HSD17B12: variants seen among roughly 807,000 people sequenced by gnomAD.
HSD17B12 encodes the protein hydroxysteroid 17-beta dehydrogenase 12, also known as very-long-chain 3-oxoacyl-CoA reductase.
HSD17B12 carries 32 observed loss-of-function variants against 39.3 expected under a neutral mutation model. The ratio of observed to expected loss-of-function variants is 0.81; its 90% CI spans 0.61 to 1.09. HSD17B12 has a LOEUF of 1.09. Among genes scored for constraint, HSD17B12 ranks in the 50% least tolerant of loss-of-function variants. The pLI is 0.00. For synonymous variants in HSD17B12, 150 were observed against 146.7 expected (o/e 1.02, Z -0.16); for missense variants, 342 against 382.9 (o/e 0.89, Z 0.89).
At chr11:43,666,363 C>T in the HSD17B12 span, among the ~76,000 whole-genome samples, 1 of 152,096 alleles carries the variant, frequency 6.6e-6, no homozygotes, top group Non-Finnish European at 1.5e-5. Flanking sequence ...CACCACCCCG[C>T]CCAGGTAACT....
intron 6 of HSD17B12, among the ~76,000 whole-genome samples, chr11:43,824,620 C>T (rs770721835): frequency 1.3e-5 from 2 of 152,190 alleles, no homozygotes; most frequent in Non-Finnish European, 2.9e-5. Flanking sequence ...GGGTGGAACC[C>T]TCATGATGTA....
At chr11:43,845,268 G>C (rs949381415) in intron 9 of HSD17B12, among the ~76,000 whole-genome samples, 1 of 152,214 alleles carries the variant, frequency 6.6e-6, no homozygotes, top group African/African-American at 2.4e-5. Flanking sequence ...ACAGGCGTGA[G>C]CCACCACACC....
chr11:43,796,003 G>C (rs992579293), intron 3 of HSD17B12, among the ~76,000 whole-genome samples: 1 of 152,128 alleles, frequency 6.6e-6, no homozygotes, highest in Admixed American at 6.6e-5. Flanking sequence ...GACAAGGGAT[G>C]TGGAAGAGCA....
At chr11:43,783,351 C>T (rs1009333368) in intron 3 of HSD17B12, among the ~76,000 whole-genome samples, 1 of 150,618 alleles carries the variant, frequency 6.6e-6, no homozygotes, top group South Asian at 2.1e-4. Context: ...ACTTTTTAGT[C>T]TCAGAGCCCT....
At chr11:43,663,762 C>T in the HSD17B12 span, among the ~76,000 whole-genome samples, 2 of 152,214 alleles carry the variant, frequency 1.3e-5, no homozygotes. Flanking sequence ...TGTTTACGTA[C>T]AGGGTGCCAA....
chr11:43,594,723 G>T, the HSD17B12 span, among the ~76,000 whole-genome samples: 1 of 152,004 alleles, frequency 6.6e-6, no homozygotes, highest in Non-Finnish European at 1.5e-5. Flanking sequence ...TTACCCTGTG[G>T]AGTGCATTAG....
At chr11:43,721,958 G>A (rs1428556655) in intron 1 of HSD17B12, among the ~76,000 whole-genome samples, 1 of 152,158 alleles carries the variant, frequency 6.6e-6, no homozygotes, top group Non-Finnish European at 1.5e-5. Context: ...AGTCATCTAG[G>A]GGAGGTATAA....
At chr11:43,829,065 GTTA>G (rs1248936419) in intron 6 of HSD17B12, among the ~76,000 whole-genome samples, 1 of 152,122 alleles carries the variant, frequency 6.6e-6, no homozygotes, top group Non-Finnish European at 1.5e-5. Flanking sequence ...GCTTTTCATT[GTTA>G]TTATTTGACA....
At chr11:43,699,901 A>T (rs1249988742) in intron 1 of HSD17B12, among the ~76,000 whole-genome samples, 2 of 152,244 alleles carry the variant, frequency 1.3e-5, no homozygotes, top group Non-Finnish European at 2.9e-5. Context: ...AGAGAAATGC[A>T]AGTCAAAACC....
chr11:43,666,321 CA>C, the HSD17B12 span, among the ~76,000 whole-genome samples: 1 of 152,126 alleles, frequency 6.6e-6, no homozygotes, highest in African/African-American at 2.4e-5. Flanking sequence ...CTCCCAACCT[CA>C]GCTCCCCTAG....
chr11:43,804,060 A>G (rs1950996030), intron 4 of HSD17B12, among the ~76,000 whole-genome samples: 1 of 152,212 alleles, frequency 6.6e-6, no homozygotes, highest in East Asian at 1.9e-4. Flanking sequence ...GCTTTTAAGT[A>G]TGCCACAGAC....
intron 1 of HSD17B12, among the ~76,000 whole-genome samples, chr11:43,719,501 C>T (rs972581896): frequency 3.9e-5 from 6 of 151,922 alleles, no homozygotes; most frequent in African/African-American, 9.7e-5. Context: ...CCATTTCAGG[C>T]GAGTATGGGT....
intron 3 of HSD17B12, among the ~76,000 whole-genome samples, chr11:43,785,099 T>C (rs1469475678): frequency 6.6e-6 from 1 of 151,732 alleles, no homozygotes; most frequent in Non-Finnish European, 1.5e-5. Flanking sequence ...AAACAGGGTT[T>C]TTTTTTTTGC....
rs117973833 is a variant in HSD17B12 at position 43,814,705 on chromosome 11, T to C, written c.392-732T>C. Among the ~76,000 whole-genome samples the C allele has an allele frequency of 9.0e-3, 1,366 of 152,244 alleles. 13 individuals are homozygous for C. Among genetic ancestry groups the C allele is most frequent in the Middle Eastern group, 0.078 (23 of 294 alleles). ...TTGATAGATGGTTTATTGGAGACATTTAGTCTGACCCACTCCCTTGGCCAC... is the reference window on the plus strand; with the variant it reads ...TTGATAGATGGTTTATTGGAGACATCTAGTCTGACCCACTCCCTTGGCCAC... On this transcript the variant is annotated intron_variant, in intron 4 of 10. Transcript: ENST00000278353.
At chr11:43,680,447 C>T (rs2134731884), upstream of HSD17B12, 1 of 258,290 alleles carries the variant, frequency 3.9e-6, no homozygotes, top group Non-Finnish European at 7.7e-6. Context: ...AACCTGAGCT[C>T]AAACCAGCCT....
At chr11:43,844,149 A>G (rs1043604282) in intron 9 of HSD17B12, among the ~76,000 whole-genome samples, 6 of 152,138 alleles carry the variant, frequency 3.9e-5, no homozygotes, top group African/African-American at 1.2e-4. Context: ...AAAGAATGCT[A>G]TCTTTTTAGG....
At chr11:43,768,156 T>G (rs1201540961) in intron 3 of HSD17B12, among the ~76,000 whole-genome samples, 1 of 152,210 alleles carries the variant, frequency 6.6e-6, no homozygotes, top group Non-Finnish European at 1.5e-5. Context: ...ACTTTAAGTA[T>G]TGTAGGTGGG....
intron 1 of HSD17B12, among the ~76,000 whole-genome samples, chr11:43,723,862 A>G (rs1950197063): frequency 6.6e-6 from 1 of 152,218 alleles, no homozygotes; most frequent in African/African-American, 2.4e-5. Context: ...CATCAGTTTC[A>G]TAAATGTGTC....
At chr11:43,639,774 G>A in the HSD17B12 span, among the ~76,000 whole-genome samples, 963 of 152,258 alleles carry the variant, frequency 6.3e-3, 4 homozygotes, top group African/African-American at 0.022. Flanking sequence ...AATTTTATAC[G>A]TTCTATGTTG....
Sources: gnomAD v4.1 joint callset for allele counts (sites outside exome capture counted in the v4.1 genomes callset) on GRCh38, gnomAD v4.1.1 for gene constraint, MANE v1.5 for transcripts, NCBI Gene and HGNC (gene_info 2026-07-23, HGNC 2026-07-21) for gene names.